The following RAPGEF5 variants were observed in gnomAD, a reference collection of about 807,000 sequenced individuals.
RAPGEF5 encodes the protein Rap guanine nucleotide exchange factor 5, also known as M-Ras-regulated GEF.
RAPGEF5 carries 65 observed loss-of-function variants against 125.2 expected under a neutral mutation model. The observed-to-expected ratio is 0.52, with a 90% CI of 0.43 to 0.64. The LOEUF is 0.64. Ranked by LOEUF, RAPGEF5 falls within the 30% of genes least tolerant of loss-of-function variation. The pLI is 0.00. For missense variants in RAPGEF5, 958 were observed against 1,048.1 expected (o/e 0.91, Z 1.19); for synonymous variants, 391 against 385.9 (o/e 1.01, Z -0.16).
chr7:22,225,837 G>GA (rs999234792), intron 8 of RAPGEF5, among the ~76,000 whole-genome samples: 1 of 152,006 alleles, frequency 6.6e-6, no homozygotes, highest in Non-Finnish European at 1.5e-5. Flanking sequence ...GGTCTGTTTT[G>GA]AAAAAAAGTC....
chr7:22,298,820 G>T (rs186305643), intron 5 of RAPGEF5: 2 of 152,264 alleles, frequency 1.3e-5, no homozygotes, highest in East Asian at 3.8e-4. Flanking sequence ...GATTCTTGTT[G>T]AAGGACCATA....
At chr7:22,183,343 T>G (rs1784734314) in intron 11 of RAPGEF5, among the ~76,000 whole-genome samples, 1 of 151,568 alleles carries the variant, frequency 6.6e-6, no homozygotes, top group African/African-American at 2.4e-5. Context: ...TTTGATTCTC[T>G]GAAACTTGAC....
intron 1 of RAPGEF5, among the ~76,000 whole-genome samples, chr7:22,330,756 C>T (rs1298407756): frequency 6.6e-6 from 1 of 152,178 alleles, no homozygotes; most frequent in African/African-American, 2.4e-5. Flanking sequence ...TCTATATCAG[C>T]TTCAGAAACA....
intron 9 of RAPGEF5, among the ~76,000 whole-genome samples, chr7:22,207,528 T>G (rs1785424390): frequency 6.6e-6 from 1 of 152,204 alleles, no homozygotes; most frequent in Non-Finnish European, 1.5e-5. Context: ...TAACTTTCTA[T>G]TATTTCTAAA....
intron 6 of RAPGEF5, among the ~76,000 whole-genome samples, chr7:22,281,521 T>C (rs765554846): frequency 1.3e-5 from 2 of 152,190 alleles, no homozygotes; most frequent in Non-Finnish European, 2.9e-5. Flanking sequence ...GTGAAGAAGA[T>C]AATATCTAAA....
chr7:22,302,005 C>T (rs74657500), intron 5 of RAPGEF5, among the ~76,000 whole-genome samples: 4 of 152,316 alleles, frequency 2.6e-5, no homozygotes, highest in Admixed American at 6.5e-5. Context: ...TCATATCCCT[C>T]ACAAGGCCAA....
intron 11 of RAPGEF5, among the ~76,000 whole-genome samples, chr7:22,182,535 C>T (rs1199062578): frequency 6.6e-6 from 1 of 152,180 alleles, no homozygotes; most frequent in Non-Finnish European, 1.5e-5. Flanking sequence ...ACTAACAAAA[C>T]CACATGCGTT....
At chr7:22,156,120 A>C (rs1034675404) in intron 16 of RAPGEF5, among the ~76,000 whole-genome samples, 1 of 152,230 alleles carries the variant, frequency 6.6e-6, no homozygotes, top group African/African-American at 2.4e-5. Flanking sequence ...GCAAATATTA[A>C]ATGATCACAC....
At chr7:22,355,874 G>A (rs1425724249) in intron 1 of RAPGEF5, 15 of 827,918 alleles carry the variant, frequency 1.8e-5, no homozygotes, top group Non-Finnish European at 1.9e-5. Flanking sequence ...AGACAAGACT[G>A]CATTTTAAAA....
At chr7:22,152,527 T>C (rs1362019953) in intron 17 of RAPGEF5, among the ~76,000 whole-genome samples, 2 of 152,206 alleles carry the variant, frequency 1.3e-5, no homozygotes, top group Non-Finnish European at 2.9e-5. Context: ...AACTTCTGAA[T>C]AACTGGGTAG....
At chr7:22,329,623 T>A (rs893095150) in intron 1 of RAPGEF5, among the ~76,000 whole-genome samples, 10 of 152,108 alleles carry the variant, frequency 6.6e-5, no homozygotes, top group Admixed American at 1.3e-4. Context: ...CAATACCCAA[T>A]AAACAAACAG....
chr7:22,195,147 C>CCTA (rs1278789009), intron 9 of RAPGEF5, among the ~76,000 whole-genome samples: 1 of 152,178 alleles, frequency 6.6e-6, no homozygotes, highest in Non-Finnish European at 1.5e-5. Flanking sequence ...ATCCTACCTA[C>CCTA]CTACGGTCAG....
intron 6 of RAPGEF5, among the ~76,000 whole-genome samples, chr7:22,290,550 C>G (rs1782906375): frequency 6.6e-6 from 1 of 151,896 alleles, no homozygotes; most frequent in Admixed American, 6.6e-5. Flanking sequence ...TCGAGACCAT[C>G]CCGGCTAAAA....
chr7:22,203,246 A>G (rs1281933148), intron 9 of RAPGEF5, among the ~76,000 whole-genome samples: 1 of 152,016 alleles, frequency 6.6e-6, no homozygotes, highest in Admixed American at 6.5e-5. Flanking sequence ...GAAATAGATC[A>G]TTTTCATGGG....
intron 2 of RAPGEF5, among the ~76,000 whole-genome samples, chr7:22,316,333 T>G (rs1364553640): frequency 7.6e-6 from 1 of 132,260 alleles, no homozygotes; most frequent in Non-Finnish European, 1.6e-5. Flanking sequence ...CTTAGTAAAT[T>G]TTTTATGTAT....
chr7:22,317,801 T>C (rs183173280), intron 2 of RAPGEF5, among the ~76,000 whole-genome samples, 186 bp downstream of exon 2: 5 of 152,328 alleles, frequency 3.3e-5, no homozygotes, highest in Non-Finnish European at 7.3e-5. Flanking sequence ...ATCATGACAA[T>C]GATCAGAGCA....
Position 22,160,557 on chromosome 7 carries a change from A to C in RAPGEF5, c.1487T>G (p.Leu496Trp). Residue 496 changes from leucine to tryptophan, a missense_variant, in exon 14 of 26, where the codon TTG becomes TGG. Physicochemically the swap from Leu to Trp is moderately conservative, Grantham distance 61 (BLOSUM62 -2). Coordinates refer to ENST00000665637, the MANE Select transcript of RAPGEF5 (RefSeq NM_012294.5). ...TCCAAGTATCTTTTGAAATTCTTTC[A>C]ATTCTTTTTCAAGTATTGGATATTC... is the stretch of plus-strand genomic sequence containing the variant. Reference protein sequence around the residue: ...VYEYPILEKELKEFQKILGMH... With the variant: ...VYEYPILEKEWKEFQKILGMH... 1 of 1,549,154 alleles carries C rather than the reference A, an allele frequency of 6.5e-7. No individual in the cohort carries two copies. The highest frequency in any genetic ancestry group is 8.7e-7 in the Non-Finnish European group (1 of 1,146,670).
intron 23 of RAPGEF5, among the ~76,000 whole-genome samples, chr7:22,133,152 C>T (rs993718025): frequency 7.9e-5 from 12 of 152,212 alleles, no homozygotes; most frequent in Non-Finnish European, 1.8e-4. Context: ...TCACTCTTAG[C>T]TCTCAGTAGA....
chr7:22,230,942 A>T (rs1274374444), intron 7 of RAPGEF5, 23 bp from the exon 8 acceptor site: 1 of 1,543,874 alleles, frequency 6.5e-7, no homozygotes, highest in Non-Finnish European at 8.8e-7. Context: ...AACACCATTA[A>T]ACAAATGTAT....
Sources: gnomAD v4.1 joint callset for allele counts (sites outside exome capture counted in the v4.1 genomes callset) on GRCh38, gnomAD v4.1.1 for gene constraint, MANE v1.5 for transcripts, NCBI Gene and HGNC (gene_info 2026-07-23, HGNC 2026-07-21) for gene names.